The following PCDHGA3 variants were observed in gnomAD, a reference collection of about 807,000 sequenced individuals.
PCDHGA3 encodes protocadherin gamma-A3.
PCDHGA3 carries 40 observed loss-of-function variants against 58.5 expected under a neutral mutation model. The observed-to-expected ratio is 0.68, with a 90% CI of 0.53 to 0.89. The LOEUF (loss-of-function observed/expected upper bound fraction) is 0.89. Among genes scored for constraint, PCDHGA3 ranks in the 40% least tolerant of loss-of-function variants. PCDHGA3 has a pLI of 0.00. For synonymous variants in PCDHGA3, 530 were observed against 525.7 expected, an observed-to-expected ratio of 1.01 and a Z score of -0.11; for missense variants, 1,223 against 1,195.9, an observed-to-expected ratio of 1.02 and a Z score of -0.33.
chr5:141,487,671 G>A lies in PCDHGA3; in HGVS notation c.2425-7136G>A. The A allele has an allele frequency of 6.2e-7, 1 of 1,612,012 alleles. No homozygotes were observed. The highest frequency in any genetic ancestry group is 8.5e-7 in the Non-Finnish European group (1 of 1,178,932). ...GAGGGTTATTCTGATCCAGGCATAT[G>A]GCTAGGCCATGTCCTAGAGAGTACT... On this transcript the variant is annotated intron_variant, in intron 1 of 3. Transcript: ENST00000253812. This position sits in a 1 kb window ranked among gnomAD's most constrained non-coding sequence, Gnocchi z 5.0.
chr5:141,423,300 G>T, intron 1 of PCDHGA3: 2 of 1,614,146 alleles, frequency 1.2e-6, no homozygotes, highest in African/African-American at 1.3e-5. Context: ...CAGACCTCTC[G>T]CTGTACTTGG....
At chr5:141,366,221 G>T (rs774963460) in intron 1 of PCDHGA3, 4 of 1,613,716 alleles carry the variant, frequency 2.5e-6, no homozygotes, top group African/African-American at 2.7e-5. Context: ...CACAGCGCGA[G>T]CCCTGCTGGA....
intron 1 of PCDHGA3, among the ~76,000 whole-genome samples, chr5:141,397,628 A>T (rs2093548217): frequency 6.6e-6 from 1 of 152,242 alleles, no homozygotes; most frequent in Non-Finnish European, 1.5e-5. Flanking sequence ...AGTTCTAGCT[A>T]AGAGTTCAAG....
At chr5:141,435,172 T>G (rs1406204282) in intron 1 of PCDHGA3, among the ~76,000 whole-genome samples, 1 of 152,198 alleles carries the variant, frequency 6.6e-6, no homozygotes, top group Non-Finnish European at 1.5e-5. Context: ...GAGTGGCTTT[T>G]AACTACACTT....
chr5:141,367,135 G>T (rs1283969236), intron 1 of PCDHGA3: 6 of 204,902 alleles, frequency 2.9e-5, no homozygotes, highest in Non-Finnish European at 4.9e-5. Context: ...GTTTTGGAAA[G>T]GATAATGTAT....
rs770623588 is a variant in PCDHGA3, at chr5:141,410,424, C to A, written c.2424+63967C>A. ...GTCAAGTCTGGACCTGTAGTTCCCC[C>A]CAACTACAGTGAGGGGACTTTGCCT... is the stretch of plus-strand genomic sequence containing the variant. On this transcript the variant is annotated intron_variant, in intron 1 of 3. Transcript: ENST00000253812. The A allele has an allele frequency of 1.1e-5, 17 of 1,613,852 alleles. No homozygotes were observed. In the East Asian group the frequency reaches 3.6e-4, roughly 34 times the overall value.
intron 1 of PCDHGA3, chr5:141,374,905 C>CG (rs1561564899): frequency 1.9e-6 from 3 of 1,613,734 alleles, no homozygotes; most frequent in Non-Finnish European, 2.5e-6. Context: ...AAGGAGTCCA[C>CG]GGGGAAGTAA....
At chr5:141,366,718 G>C (rs772444465) in intron 1 of PCDHGA3, 1 of 1,613,638 alleles carries the variant, frequency 6.2e-7, no homozygotes, top group Non-Finnish European at 8.5e-7. Context: ...TGTCTGATAA[G>C]GTAGATGCAA....
intron 1 of PCDHGA3, among the ~76,000 whole-genome samples, chr5:141,401,463 C>G (rs2094158062): frequency 6.6e-6 from 1 of 152,214 alleles, no homozygotes; most frequent in Admixed American, 6.5e-5. Flanking sequence ...AAATAATTTT[C>G]TAAGTTTATC....
intron 1 of PCDHGA3, among the ~76,000 whole-genome samples, chr5:141,470,717 A>G (rs1353989037): frequency 6.6e-6 from 1 of 152,010 alleles, no homozygotes; most frequent in Non-Finnish European, 1.5e-5. Flanking sequence ...TATTTTTTTG[A>G]GTCAGGGTCT....
Position 141,419,305 on chromosome 5 carries a change from G to A in PCDHGA3, c.2424+72848G>A, listed in dbSNP as rs778360128. ...TCAGTGCCTCTGACCCAGACTTCGGGCTCAACGGCCGTGTCTCCTACTCTC... is the reference window on the plus strand; with the variant it reads ...TCAGTGCCTCTGACCCAGACTTCGGACTCAACGGCCGTGTCTCCTACTCTC... On this transcript the variant is annotated intron_variant, in intron 1 of 3. Transcript: ENST00000253812. The A allele has an allele frequency of 3.1e-6, 5 of 1,613,906 alleles. No individual in the cohort carries two copies. The East Asian group carries it at 1.1e-4, about 36-fold the overall frequency.
intron 1 of PCDHGA3, chr5:141,366,265 C>A: frequency 6.2e-7 from 1 of 1,613,684 alleles, no homozygotes; most frequent in Non-Finnish European, 8.5e-7. Context: ...TCGTGGTGGC[C>A]GTCGAAGACC....
rs774892780 is a variant in PCDHGA3, at chr5:141,350,847, C to T, written c.2424+4390C>T. 5.6e-6 allele frequency: 9 copies of T among 1,613,928 alleles called. No individual in the cohort carries two copies. Among genetic ancestry groups the T allele is most frequent in the East Asian group, 2.2e-5 (1 of 44,904 alleles). Reference sequence around the variant, plus strand: ...TATCCGGTATTACTGCTGGAAAAACCTCTAGACAGGGAACATCAGAGCTCT... The same window carrying T: ...TATCCGGTATTACTGCTGGAAAAACTTCTAGACAGGGAACATCAGAGCTCT... On this transcript the variant is annotated intron_variant, in intron 1 of 3. Coordinates refer to ENST00000253812, the MANE Select transcript of PCDHGA3 (RefSeq NM_018916.4).
intron 1 of PCDHGA3, chr5:141,408,814 A>G (rs1473137465): frequency 6.8e-6 from 11 of 1,613,456 alleles, no homozygotes; most frequent in Non-Finnish European, 8.5e-6. Context: ...ACCGGGAAGA[A>G]CAGAGATCTC....
chr5:141,354,934 A>T, intron 1 of PCDHGA3: 1 of 419,850 alleles, frequency 2.4e-6, no homozygotes, highest in Non-Finnish European at 4.1e-6. Context: ...AACTTTTTTT[A>T]ACCAAGAATA....
At chr5:141,409,626 G>A (rs776642148) in intron 1 of PCDHGA3, 13 of 1,613,760 alleles carry the variant, frequency 8.1e-6, no homozygotes, top group Non-Finnish European at 5.1e-6. Flanking sequence ...GCGCAAGTGA[G>A]CGCCTCTGAC....
chr5:141,479,342 G>A (rs926832955), intron 1 of PCDHGA3: 1 of 152,486 alleles, frequency 6.6e-6, no homozygotes, highest in Admixed American at 6.5e-5. Flanking sequence ...TGCACCTGTA[G>A]TTCTTGCTGC....
rs909255357 is a variant in PCDHGA3 at position 141,489,178 on chromosome 5, C to A, written c.2425-5629C>A. 5 of 1,234,744 alleles carry A rather than the reference C, an allele frequency of 4.0e-6. No individual in the cohort carries two copies. The highest frequency in any genetic ancestry group is 2.3e-5 in the Admixed American group (1 of 42,922). The allele number at this position is 1,234,744 out of a possible 1,614,324, so 76.5% of individuals were successfully genotyped here. Reference sequence around the variant, plus strand: ...GAGACTTCAGCTGCTGCATTCCAAGCCCTGGGTCTACCTTGGAGACAGGAC... The same window carrying A: ...GAGACTTCAGCTGCTGCATTCCAAGACCTGGGTCTACCTTGGAGACAGGAC... On this transcript the variant is annotated intron_variant, in intron 1 of 3. Transcript: ENST00000253812. This position sits in a 1 kb window ranked among gnomAD's most constrained non-coding sequence, Gnocchi z 4.5.
At chr5:141,426,639 AATGTGATGATAGAAGATATAAATG>A (rs1418104928) in intron 1 of PCDHGA3, 1 of 407,642 alleles carries the variant, frequency 2.5e-6, no homozygotes, top group Non-Finnish European at 5.0e-6. Context: ...TTTTCACATA[AATGTGATGATAGAAGATATAAATG>A]ATAACCCACC....
Sources: gnomAD v4.1 joint callset for allele counts (sites outside exome capture counted in the v4.1 genomes callset) on GRCh38, gnomAD v4.1.1 for gene constraint, Gnocchi (gnomAD v3.1) non-coding constraint, MANE v1.5 for transcripts, NCBI Gene and HGNC (gene_info 2026-07-23, HGNC 2026-07-21) for gene names.